Variants in TUBB observed in about 807,000 individuals in gnomAD.
TUBB encodes the protein tubulin beta class I, also known as tubulin beta chain.
A neutral mutation model predicts 35.1 loss-of-function variants in TUBB; 2 were observed. The ratio of observed to expected loss-of-function variants is 0.06; its 90% CI spans 0.02 to 0.18. The LOEUF (loss-of-function observed/expected upper bound fraction) is 0.18, where lower values mean the gene tolerates loss of function less well. Among genes scored for constraint, TUBB ranks in the 10% least tolerant of loss-of-function variants. The pLI is 1.00. For missense variants in TUBB, 50 were observed against 599.4 expected (o/e 0.08, Z 9.57); for synonymous variants, 205 against 223.8 (o/e 0.92, Z 0.75).
intron 1 of TUBB, chr6:30,721,485 CG>C: frequency 1.1e-6 from 1 of 934,476 alleles, no homozygotes; most frequent in Non-Finnish European, 1.3e-6. Flanking sequence ...CCGGCAGGGG[CG>C]CGCTACCTTG....
rs1249689809 is a variant in TUBB at position 30,720,419 on chromosome 6, TC to T, written c.-86del. 1 of 1,366,568 alleles carries T rather than the reference TC, an allele frequency of 7.3e-7. No individual in the cohort carries two copies. Among genetic ancestry groups the T allele is most frequent in the African/African-American group, 1.4e-5 (1 of 69,268 alleles). The allele number at this position is 1,366,568 out of a possible 1,614,324, so 84.7% of individuals were successfully genotyped here. ...CAGCCTCTGGGGCGCATTCCAACCT[TC>T]CAGCCTGCGACCTGCGGAGAAAAAA... is the stretch of plus-strand genomic sequence containing the variant. On this transcript the variant is annotated 5_prime_UTR_variant, in exon 1 of 4. Coordinates refer to ENST00000327892, the MANE Select transcript of TUBB (RefSeq NM_178014.4).
At chr6:30,722,348 C>T in intron 1 of TUBB, 189 bp from the exon 2 acceptor site, 1 of 575,514 alleles carries the variant, frequency 1.7e-6, no homozygotes, top group Non-Finnish European at 3.1e-6. Context: ...GGGGCTGAGG[C>T]AGGAGAATCG....
At chr6:30,723,145 G>A (rs1245031195) in intron 3 of TUBB, 117 bp downstream of exon 3, 5 of 1,017,602 alleles carry the variant, frequency 4.9e-6, no homozygotes, top group Non-Finnish European at 5.9e-6. Flanking sequence ...ATACAGAAAT[G>A]TGTTCTGAAA....
At chr6:30,723,307 GTTAAT>G (rs1202222323) in intron 3 of TUBB, 28 bp from the exon 4 acceptor site, 4 of 1,523,868 alleles carry the variant, frequency 2.6e-6, no homozygotes, top group Non-Finnish European at 3.6e-6. Context: ...TCCATACCCT[GTTAAT>G]TGAGCTTTTC....
intron 2 of TUBB, 105 bp from the exon 3 acceptor site, chr6:30,722,813 G>A: frequency 8.5e-7 from 1 of 1,170,330 alleles, no homozygotes; most frequent in Non-Finnish European, 1.2e-6. Context: ...CTGGTGGCGG[G>A]ACCTGGAATG....
chr6:30,722,271 C>T (rs1450248330), intron 1 of TUBB: 4 of 424,920 alleles, frequency 9.4e-6, no homozygotes, highest in African/African-American at 2.0e-5. Context: ...TGGTGAAACC[C>T]GTCTCTACTA....
chr6:30,723,280 G>A, intron 3 of TUBB, 60 bp from the exon 4 acceptor site: 1 of 1,352,320 alleles, frequency 7.4e-7, no homozygotes. Flanking sequence ...GTTGAAAGAT[G>A]GAAACATCAT....
Position 30,724,708 on chromosome 6 carries a change from C to T in TUBB, c.*311C>T, listed in dbSNP as rs1776523413. ...CTTAAAAATCTCCAAGAAGCTGGGT[C>T]TCCAGATCCCATTTAGAACCAACCA... On this transcript the variant is annotated 3_prime_UTR_variant, in exon 4 of 4. Transcript: ENST00000327892. The surrounding 1 kb of genome is among the most constrained non-coding windows in gnomAD (Gnocchi z 4.4). The T allele has an allele frequency of 2.5e-6, 1 of 392,732 alleles. No individual in the cohort carries two copies. The highest frequency in any genetic ancestry group is 5.0e-5 in the South Asian group (1 of 19,828). 24.3% of individuals were successfully genotyped at this position (392,732 alleles called of 1,614,324 possible).
At chr6:30,721,570 C>A in intron 1 of TUBB, 1 of 985,370 alleles carries the variant, frequency 1.0e-6, no homozygotes, top group Non-Finnish European at 1.2e-6. Flanking sequence ...GGCGGCTCGA[C>A]CTGCGCGTGC....
At chr6:30,722,077 T>C in intron 1 of TUBB, 1 of 185,642 alleles carries the variant, frequency 5.4e-6, no homozygotes, top group Non-Finnish European at 1.0e-5. Context: ...CGGTTGAGCC[T>C]GGGAGTTCCA....
At chr6:30,721,439 C>T in intron 1 of TUBB, 1 of 509,048 alleles carries the variant, frequency 2.0e-6, no homozygotes, top group Non-Finnish European at 2.5e-6. Flanking sequence ...GGGGCCGGGG[C>T]GCCGTGGGCG....
At chr6:30,721,889 T>G in intron 1 of TUBB, 2 of 985,210 alleles carry the variant, frequency 2.0e-6, no homozygotes, top group South Asian at 4.7e-5. Flanking sequence ...ATGGGAGATG[T>G]GGGGCCGAGG....
At chr6:30,722,799 C>A in intron 2 of TUBB, 119 bp from the exon 3 acceptor site, 1 of 1,129,324 alleles carries the variant, frequency 8.9e-7, no homozygotes, top group African/African-American at 1.5e-5. Context: ...ACGTCTGCTG[C>A]CACCTGGTGG....
chr6:30,722,828 GTC>G (rs1270578475), intron 2 of TUBB, 88 bp from the exon 3 acceptor site: 21 of 1,255,186 alleles, frequency 1.7e-5, no homozygotes, highest in African/African-American at 3.0e-5. Context: ...GGAATGACAA[GTC>G]TCTGATCCCT....
chr6:30,720,963 G>C (rs1223135629), intron 1 of TUBB, among the ~76,000 whole-genome samples: 1 of 152,254 alleles, frequency 6.6e-6, no homozygotes, highest in Non-Finnish European at 1.5e-5. Context: ...GGGCCAAACC[G>C]GAGCGGGAAG....
chr6:30,722,860 A>AT, intron 2 of TUBB, 58 bp from the exon 3 acceptor site: 2 of 1,422,866 alleles, frequency 1.4e-6, no homozygotes, highest in Non-Finnish European at 2.0e-6. Flanking sequence ...CATTTCCAGT[A>AT]TATCTATAAA....
Position 30,720,428 on chromosome 6 carries a change from C to A in TUBB, c.-79C>A. 1.4e-6 allele frequency: 2 copies of A among 1,437,980 alleles called. No homozygotes were observed. The highest frequency in any genetic ancestry group is 2.0e-6 in the Non-Finnish European group (2 of 1,023,122). The allele number at this position is 1,437,980 out of a possible 1,614,324, so 89.1% of individuals were successfully genotyped here. A position where few individuals can be genotyped will look rare whatever the true frequency, so the allele number is the denominator to read the frequency against. ...GGGCGCATTCCAACCTTCCAGCCTG[C>A]GACCTGCGGAGAAAAAAAATTACTT... On this transcript the variant is annotated 5_prime_UTR_variant, in exon 1 of 4. Transcript: ENST00000327892.
chr6:30,723,239 A>G, intron 3 of TUBB, 101 bp from the exon 4 acceptor site: 1 of 1,089,302 alleles, frequency 9.2e-7, no homozygotes, highest in South Asian at 1.6e-5. Flanking sequence ...TGAAGGAGAA[A>G]GAAGATACAT....
At chr6:30,720,612 G>A in intron 1 of TUBB, 49 bp downstream of exon 1, 2 of 1,571,426 alleles carry the variant, frequency 1.3e-6, no homozygotes, top group Admixed American at 3.7e-5. Flanking sequence ...AAAAATCCAG[G>A]TAAGTTATGA....
Sources: allele counts gnomAD v4.1 joint callset (sites outside exome capture counted in the v4.1 genomes callset), GRCh38; gene constraint gnomAD v4.1.1; non-coding constraint Gnocchi (gnomAD v3.1); transcripts MANE v1.5; gene names NCBI Gene and HGNC (gene_info 2026-07-23, HGNC 2026-07-21).